Variants in CAST observed in about 807,000 individuals in gnomAD.
CAST encodes the protein MIR583 host.
Under a neutral mutation model 119.6 loss-of-function variants are expected in CAST, and 76 were observed. The observed-to-expected ratio is 0.64, with a 90% CI of 0.53 to 0.77. The LOEUF is 0.77. Among genes scored for constraint, CAST ranks in the 30% least tolerant of loss-of-function variants. The pLI, the probability that CAST is intolerant of heterozygous loss-of-function variation, is 0.00. For synonymous variants in CAST, 319 were observed against 331.6 expected (o/e 0.96, Z 0.41); for missense variants, 953 against 946.5 (o/e 1.01, Z -0.09).
the CAST span, among the ~76,000 whole-genome samples, chr5:95,963,170 T>C: frequency 9.9e-5 from 15 of 152,216 alleles, no homozygotes; most frequent in African/African-American, 3.4e-4. Context: ...GTTTTTACCC[T>C]CAGCTTATAA....
intron 4 of CAST, among the ~76,000 whole-genome samples, chr5:96,723,908 G>T (rs1430972547): frequency 6.6e-6 from 1 of 152,106 alleles, no homozygotes; most frequent in African/African-American, 2.4e-5. Flanking sequence ...CAGGTGATGT[G>T]GCACTATAAC....
At chr5:96,121,399 A>T in the CAST span, among the ~76,000 whole-genome samples, 1 of 151,922 alleles carries the variant, frequency 6.6e-6, no homozygotes, top group Admixed American at 6.6e-5. Flanking sequence ...TAATCCTTTC[A>T]TAGTTTCACT....
At chr5:96,625,219 G>A (rs548606425) in intron 1 of CAST, among the ~76,000 whole-genome samples, 10 of 152,218 alleles carry the variant, frequency 6.6e-5, no homozygotes, top group African/African-American at 2.4e-4. Context: ...CTACTAGTTA[G>A]TATAGAGTGT....
At chr5:96,732,585 A>G (rs950615934) in intron 9 of CAST, among the ~76,000 whole-genome samples, 4 of 151,086 alleles carry the variant, frequency 2.6e-5, no homozygotes, top group African/African-American at 7.3e-5. Context: ...GCCCATGCCT[A>G]TGTCCTGAAT....
chr5:96,282,345 C>A, the CAST span, among the ~76,000 whole-genome samples: 40 of 152,334 alleles, frequency 2.6e-4, no homozygotes, highest in Non-Finnish European at 1.5e-5. Flanking sequence ...TGAAAAAAAT[C>A]TACTTCCGCT....
chr5:96,276,916 G>A, the CAST span, among the ~76,000 whole-genome samples: 6 of 152,062 alleles, frequency 3.9e-5, no homozygotes, highest in Admixed American at 6.6e-5. Flanking sequence ...TTTGTGCTTT[G>A]AAAGTTTACA....
At chr5:96,721,938 T>C (rs117255831) in intron 3 of CAST, among the ~76,000 whole-genome samples, 1 of 152,202 alleles carries the variant, frequency 6.6e-6, no homozygotes, top group Non-Finnish European at 1.5e-5. Flanking sequence ...TGAGACATAA[T>C]GCAGTAGAAT....
chr5:96,398,869 T>C, the CAST span: 1 of 1,610,382 alleles, frequency 6.2e-7, no homozygotes, highest in South Asian at 1.1e-5. Context: ...TTAGAACTTT[T>C]TTAATTTACC....
At chr5:96,230,100 G>A in the CAST span, among the ~76,000 whole-genome samples, 1 of 151,690 alleles carries the variant, frequency 6.6e-6, no homozygotes, top group Non-Finnish European at 1.5e-5. Context: ...AAGTGACCAA[G>A]CCTACATGGA....
chr5:96,036,126 C>A, the CAST span, among the ~76,000 whole-genome samples: 3 of 147,082 alleles, frequency 2.0e-5, no homozygotes, highest in African/African-American at 2.5e-5. Context: ...TATATTTTAC[C>A]TTTGTAAAAA....
At chr5:96,429,090 TAAAC>T in the CAST span, 389 of 640,686 alleles carry the variant, frequency 6.1e-4, 4 homozygotes, top group African/African-American at 6.2e-3. Flanking sequence ...ATAATACAGA[TAAAC>T]AATCTTGGTC....
chr5:96,412,964 C>T, the CAST span: 9 of 1,009,936 alleles, frequency 8.9e-6, no homozygotes, highest in Non-Finnish European at 1.1e-5. Context: ...GGTGATGCAC[C>T]TCCTCATGGC....
At chr5:95,974,003 GCA>G in the CAST span, among the ~76,000 whole-genome samples, 52,472 of 146,322 alleles carry the variant, frequency 0.36, 10,275 homozygotes, top group East Asian at 0.82. Context: ...AAATTTGCAC[GCA>G]CACACACACA....
intron 29 of CAST, chr5:96,769,445 C>A (rs1158772520): frequency 1.3e-5 from 2 of 149,242 alleles, no homozygotes; most frequent in African/African-American, 4.9e-5. Flanking sequence ...CTGATCGAGA[C>A]AAGCTCTATT....
chr5:96,393,917 C>A, the CAST span, among the ~76,000 whole-genome samples: 5 of 152,258 alleles, frequency 3.3e-5, no homozygotes, highest in African/African-American at 9.6e-5. Context: ...CTCAGAGAAG[C>A]CAACCTTGGC....
chr5:96,582,377 C>A (rs780109967), intron 1 of CAST, among the ~76,000 whole-genome samples: 7 of 152,142 alleles, frequency 4.6e-5, no homozygotes, highest in Non-Finnish European at 1.0e-4. Flanking sequence ...TTCTTTATCT[C>A]TAATTGTTCA....
the CAST span, among the ~76,000 whole-genome samples, chr5:96,224,777 A>G: frequency 6.6e-6 from 1 of 152,210 alleles, no homozygotes; most frequent in African/African-American, 2.4e-5. Flanking sequence ...ACCTTCTCAG[A>G]TGATGCATGA....
At chr5:96,708,879 A>G (rs529559923) in intron 3 of CAST, among the ~76,000 whole-genome samples, 5 of 152,144 alleles carry the variant, frequency 3.3e-5, no homozygotes, top group Non-Finnish European at 7.4e-5. Flanking sequence ...TTTCTCCTAT[A>G]TTTGTAACAA....
the CAST span, chr5:96,423,371 A>T: frequency 1.2e-6 from 2 of 1,613,948 alleles, no homozygotes. Flanking sequence ...TACGGTGATA[A>T]CAACTCCTTT....
Sources: gnomAD v4.1 joint callset for allele counts (sites outside exome capture counted in the v4.1 genomes callset) on GRCh38, gnomAD v4.1.1 for gene constraint, MANE v1.5 for transcripts, NCBI Gene and HGNC (gene_info 2026-07-23, HGNC 2026-07-21) for gene names.